The following XKR6 variants were observed in gnomAD, a reference collection of about 807,000 sequenced individuals.
XKR6 encodes XK-related protein 6.
A neutral mutation model predicts 56.7 loss-of-function variants in XKR6; 22 were observed. That is an observed-to-expected ratio of 0.39 (90% CI 0.28 to 0.55). The LOEUF (loss-of-function observed/expected upper bound fraction) is 0.55. Ranked by LOEUF, XKR6 falls within the 20% of genes least tolerant of loss-of-function variation. The pLI, the probability that XKR6 is intolerant of heterozygous loss-of-function variation, is 0.66. For missense variants in XKR6, 852 were observed against 889.0 expected, an observed-to-expected ratio of 0.96 and a Z score of 0.53; for synonymous variants, 524 against 387.8, an observed-to-expected ratio of 1.35 and a Z score of -4.13.
chr8:10,960,848 G>T (rs1802038650), intron 1 of XKR6, among the ~76,000 whole-genome samples: 1 of 152,210 alleles, frequency 6.6e-6, no homozygotes, highest in Admixed American at 6.5e-5. Context: ...AGGAGCTTGG[G>T]AGATCGCTTG....
chr8:10,966,862 C>T (rs983850767), intron 1 of XKR6, among the ~76,000 whole-genome samples: 2 of 152,106 alleles, frequency 1.3e-5, no homozygotes, highest in African/African-American at 4.8e-5. Flanking sequence ...CTGTGAGAAT[C>T]ACCTGACGAG....
At chr8:11,074,546 G>T (rs1315707069) in intron 1 of XKR6, among the ~76,000 whole-genome samples, 2 of 152,226 alleles carry the variant, frequency 1.3e-5, no homozygotes, top group Non-Finnish European at 1.5e-5. Context: ...GGTGATTATG[G>T]AGGTCCATCC....
intron 1 of XKR6, among the ~76,000 whole-genome samples, chr8:10,947,253 G>T (rs1009244892): frequency 2.0e-5 from 3 of 152,204 alleles, no homozygotes; most frequent in African/African-American, 4.8e-5. Context: ...TGGTTTGGTT[G>T]ACCAGAAGAA....
intron 1 of XKR6, among the ~76,000 whole-genome samples, chr8:11,094,362 G>C (rs1439978177): frequency 6.6e-6 from 1 of 151,950 alleles, no homozygotes; most frequent in Admixed American, 6.6e-5. Flanking sequence ...CTAATGTTTT[G>C]TATTTTTGGT....
chr8:10,947,282 G>A (rs1183739772), intron 1 of XKR6, among the ~76,000 whole-genome samples: 2 of 152,180 alleles, frequency 1.3e-5, no homozygotes, highest in Non-Finnish European at 2.9e-5. Flanking sequence ...CCATTCACCG[G>A]GATGAACCGA....
chr8:10,947,172 T>C (rs1801576192), intron 1 of XKR6, among the ~76,000 whole-genome samples: 1 of 151,906 alleles, frequency 6.6e-6, no homozygotes, highest in Non-Finnish European at 1.5e-5. Context: ...ATGGTGGTAA[T>C]GCTGGCAAGG....
Position 11,132,767 on chromosome 8 carries a change from G to GCACACACACACACA in XKR6, c.764+67795_764+67808dup, listed in dbSNP as rs149748655. 4.6e-3 allele frequency among the ~76,000 whole-genome samples: 637 copies of GCACACACACACACA among 138,238 alleles called. 4 individuals carry two copies. Among genetic ancestry groups the GCACACACACACACA allele is most frequent in the Middle Eastern group, 7.5e-3 (2 of 268 alleles). 90.7% of individuals were successfully genotyped at this position (138,238 alleles called of 152,430 possible). A position where few individuals can be genotyped will look rare whatever the true frequency, so the allele number is the denominator to read the frequency against. ...CCTTCATTCATACACACACACGCACGCACACACACACACACACACGCACAT... is the reference window on the plus strand; with the variant it reads ...CCTTCATTCATACACACACACGCACGCACACACACACACACACACACACACACACACACGCACAT... On this transcript the variant is annotated intron_variant, in intron 1 of 2. Coordinates refer to ENST00000416569, the MANE Select transcript of XKR6 (RefSeq NM_173683.4).
intron 2 of XKR6, among the ~76,000 whole-genome samples, chr8:10,906,270 G>A (rs1191716901): frequency 6.6e-6 from 1 of 152,178 alleles, no homozygotes; most frequent in East Asian, 1.9e-4. Flanking sequence ...AATGTTGGTT[G>A]TTAAACATTT....
At chr8:11,041,778 A>G (rs10100449) in intron 1 of XKR6, among the ~76,000 whole-genome samples, 59,358 of 152,096 alleles carry the variant, frequency 0.39, 15,554 homozygotes, top group African/African-American at 0.75. Flanking sequence ...GGATAGGGAA[A>G]ATCCTGGGAC....
At chr8:11,056,854 G>C (rs1381025426) in intron 1 of XKR6, among the ~76,000 whole-genome samples, 2 of 152,176 alleles carry the variant, frequency 1.3e-5, no homozygotes, top group Non-Finnish European at 2.9e-5. Flanking sequence ...GATCAGCTGG[G>C]AGGATGCAGC....
At chr8:11,128,763 C>T (rs924567969) in intron 1 of XKR6, 2 of 441,250 alleles carry the variant, frequency 4.5e-6, no homozygotes, top group Middle Eastern at 3.4e-4. Flanking sequence ...ACTTTCTTTC[C>T]CTCACATCCA....
At chr8:10,919,955 C>T (rs1407375734) in intron 2 of XKR6, among the ~76,000 whole-genome samples, 1 of 152,108 alleles carries the variant, frequency 6.6e-6, no homozygotes. Context: ...TATTATTTCC[C>T]TTGAGTCTGT....
chr8:10,973,746 A>G (rs1375602934), intron 1 of XKR6, among the ~76,000 whole-genome samples: 2 of 152,010 alleles, frequency 1.3e-5, no homozygotes, highest in Non-Finnish European at 2.9e-5. Context: ...AGGCCCAGCT[A>G]ATTTTTTGTG....
chr8:10,968,819 C>T (rs1563318259), intron 1 of XKR6, among the ~76,000 whole-genome samples: 1 of 152,218 alleles, frequency 6.6e-6, no homozygotes. Flanking sequence ...GGGCACAGGG[C>T]TCGGGCAGTC....
chr8:11,144,256 A>ATGTGTGTGTGTG (rs1800866820), intron 1 of XKR6, among the ~76,000 whole-genome samples: 1 of 78,496 alleles, frequency 1.3e-5, no homozygotes, highest in African/African-American at 7.7e-5. Flanking sequence ...GTGTGTGTGT[A>ATGTGTGTGTGTG]TCTAAAGTAG....
chr8:11,070,962 C>G (rs1381223333), intron 1 of XKR6, among the ~76,000 whole-genome samples: 2 of 152,208 alleles, frequency 1.3e-5, no homozygotes, highest in Admixed American at 1.3e-4. Flanking sequence ...CAACCCATCA[C>G]TGGGGCGCTA....
At chr8:11,071,569 T>C (rs1800120877) in intron 1 of XKR6, among the ~76,000 whole-genome samples, 1 of 141,942 alleles carries the variant, frequency 7.0e-6, no homozygotes, top group African/African-American at 2.7e-5. Context: ...GAGCCCCGAG[T>C]CCATGAGCCC....
At chr8:11,004,746 CACA>C (rs1162664167) in intron 1 of XKR6, among the ~76,000 whole-genome samples, 3 of 152,170 alleles carry the variant, frequency 2.0e-5, no homozygotes, top group East Asian at 3.9e-4. Flanking sequence ...TATCCATGTT[CACA>C]ACAACATTAT....
intron 1 of XKR6, among the ~76,000 whole-genome samples, chr8:11,013,320 G>C (rs1798542569): frequency 6.6e-6 from 1 of 152,216 alleles, no homozygotes; most frequent in African/African-American, 2.4e-5. Flanking sequence ...CCTTTAAGGA[G>C]AGGAGAGGAG....
Sources: gnomAD v4.1 joint callset for allele counts (sites outside exome capture counted in the v4.1 genomes callset) on GRCh38, gnomAD v4.1.1 for gene constraint, MANE v1.5 for transcripts, NCBI Gene and HGNC (gene_info 2026-07-23, HGNC 2026-07-21) for gene names.